The following VPS37A variants were observed in gnomAD, a reference collection of about 807,000 sequenced individuals.
VPS37A encodes the protein VPS37A subunit of ESCRT-I.
In VPS37A, 30 loss-of-function variants were observed where a neutral mutation model predicts 49.8. The observed-to-expected ratio is 0.60, with a 90% CI of 0.45 to 0.82. VPS37A has a LOEUF of 0.82. Ranked by LOEUF, VPS37A falls within the 40% of genes least tolerant of loss-of-function variation. The pLI is 0.00. For synonymous variants in VPS37A, 195 were observed against 160.6 expected (o/e 1.21, Z -1.62); for missense variants, 593 against 464.4 (o/e 1.28, Z -2.55).
chr8:17,253,211 A>G (rs935127849), intron 1 of VPS37A, among the ~76,000 whole-genome samples: 1 of 152,034 alleles, frequency 6.6e-6, no homozygotes, highest in African/African-American at 2.4e-5. Flanking sequence ...CTTCCAAACC[A>G]TTTCTGCTGT....
downstream of VPS37A, chr8:17,298,054 A>ATTGT (rs1207789639): frequency 6.6e-6 from 1 of 151,976 alleles, no homozygotes; most frequent in Non-Finnish European, 1.5e-5. Flanking sequence ...AAAAATGTTT[A>ATTGT]TTGTTTTTAT....
intron 2 of VPS37A, among the ~76,000 whole-genome samples, chr8:17,267,908 A>G (rs1172797721): frequency 6.6e-6 from 1 of 152,180 alleles, no homozygotes; most frequent in Admixed American, 6.5e-5. Context: ...AGACTGGACT[A>G]GTATGGTTCA....
the VPS37A span, among the ~76,000 whole-genome samples, chr8:17,328,080 G>A: frequency 3.3e-5 from 5 of 152,136 alleles, no homozygotes; most frequent in African/African-American, 9.7e-5. Flanking sequence ...TAACAGTCAC[G>A]TGGAAGGTAG....
At chr8:17,268,981 A>G (rs1360646294) in intron 4 of VPS37A, 25 bp downstream of exon 4, 13 of 1,486,518 alleles carry the variant, frequency 8.7e-6, no homozygotes, top group Non-Finnish European at 1.2e-5. Flanking sequence ...AGTAAATAAA[A>G]AAGTCTGCCT....
At chr8:17,283,825 G>T (rs1242500467) in intron 9 of VPS37A, among the ~76,000 whole-genome samples, 1 of 152,126 alleles carries the variant, frequency 6.6e-6, no homozygotes, top group Admixed American at 6.5e-5. Flanking sequence ...TTGAGATTCC[G>T]TATGAATTTT....
the VPS37A span, among the ~76,000 whole-genome samples, chr8:17,312,979 A>T: frequency 2.6e-5 from 4 of 152,182 alleles, no homozygotes; most frequent in African/African-American, 9.7e-5. Context: ...CCCAAGCCCC[A>T]TCACTGAAGT....
Position 17,276,414 on chromosome 8 carries a change from T to C in VPS37A, c.660T>C (p.Phe220=), listed in dbSNP as rs368832885. The change falls in exon 6 of 12, where the codon TTT becomes TTC. Residue 220 remains phenylalanine (F), a synonymous_variant. Coordinates refer to ENST00000324849, the MANE Select transcript of VPS37A (RefSeq NM_152415.3). ...DASIPTSQNG[F]GYKMPDVPDA... ...TTCTTTAGACAAGCCAAAATGGTTT[T>C]GGGTACAAGATGCCAGATGTCCCTG... is the stretch of plus-strand genomic sequence containing the variant. The C allele has an allele frequency of 1.1e-5, 18 of 1,612,036 alleles. No individual in the cohort carries two copies. Among genetic ancestry groups the C allele is most frequent in the Non-Finnish European group, 1.3e-5 (15 of 1,179,210 alleles).
chr8:17,265,950 A>G lies in VPS37A; in HGVS notation c.169A>G (p.Thr57Ala), dbSNP rs974688784. Residue 57 changes from threonine to alanine, a missense_variant, in exon 2 of 12, where the codon ACC becomes GCC. Transcript: ENST00000324849. ...QKDVEYRLPFTINNLTININI... is the reference protein window; with the variant it reads ...QKDVEYRLPFAINNLTININI... ...AGATGTGGAATACAGATTGCCATTC[A>G]CCATAAACAACCTGACAATTAACAT... The G allele has an allele frequency of 6.2e-7, 1 of 1,613,190 alleles. No individual in the cohort carries two copies. Among genetic ancestry groups the G allele is most frequent in the Non-Finnish European group, 8.5e-7 (1 of 1,179,622 alleles).
intron 6 of VPS37A, among the ~76,000 whole-genome samples, chr8:17,276,889 CT>C (rs1420687264): frequency 6.6e-6 from 1 of 152,026 alleles, no homozygotes; most frequent in Non-Finnish European, 1.5e-5. Flanking sequence ...CAGATCCAAA[CT>C]TTTTTTCAAA....
chr8:17,275,414 G>A (rs1814427587), intron 5 of VPS37A, among the ~76,000 whole-genome samples: 3 of 152,188 alleles, frequency 2.0e-5, no homozygotes, highest in Admixed American at 2.0e-4. Context: ...GGATACATAA[G>A]GCATTCTTTG....
intron 5 of VPS37A, 50 bp from the exon 6 acceptor site, chr8:17,276,347 C>A (rs188566317): frequency 2.1e-6 from 3 of 1,415,146 alleles, no homozygotes; most frequent in Non-Finnish European, 3.0e-6. Flanking sequence ...TAATTGAGAG[C>A]AGTCAAAAAT....
chr8:17,282,950 G>A (rs1815225777), intron 9 of VPS37A, among the ~76,000 whole-genome samples: 1 of 152,040 alleles, frequency 6.6e-6, no homozygotes, highest in Non-Finnish European at 1.5e-5. Flanking sequence ...GCACATAATA[G>A]GTACTCAATA....
rs535667155 is a variant in VPS37A, at chr8:17,258,131, G to A, written c.126-7776G>A. Among the ~76,000 whole-genome samples the A allele has an allele frequency of 2.6e-5, 4 of 152,124 alleles. No homozygotes were observed. The South Asian group carries it at 6.2e-4, about 24-fold the overall frequency. On this transcript the variant is annotated intron_variant, in intron 1 of 11. Coordinates refer to ENST00000324849, the MANE Select transcript of VPS37A (RefSeq NM_152415.3). ...TTAACTTCTCTTTTCCATTTTAGATGCTGTTTATTTCTATCTCTTGCCTAA... is the reference window on the plus strand; with the variant it reads ...TTAACTTCTCTTTTCCATTTTAGATACTGTTTATTTCTATCTCTTGCCTAA...
Position 17,246,980 on chromosome 8 carries a change from C to G in VPS37A, c.-265C>G, listed in dbSNP as rs1283886260. 1.0e-5 allele frequency: 5 copies of G among 485,842 alleles called. No homozygotes were observed. The highest frequency in any genetic ancestry group is 3.8e-5 in the Admixed American group (1 of 26,600). The allele number at this position is 485,842 out of a possible 1,614,324, so 30.1% of individuals were successfully genotyped here. Reference sequence around the variant, plus strand: ...AGCGCTGGGCGGCCAGGCTCCCTGGCTGGCCGGTTTGGGCGTCTGGGCCGT... The same window carrying G: ...AGCGCTGGGCGGCCAGGCTCCCTGGGTGGCCGGTTTGGGCGTCTGGGCCGT... On this transcript the variant is annotated 5_prime_UTR_variant, in exon 1 of 12. Coordinates refer to ENST00000324849, the MANE Select transcript of VPS37A (RefSeq NM_152415.3).
chr8:17,292,716 T>C (rs1816265006), intron 11 of VPS37A, among the ~76,000 whole-genome samples: 1 of 152,180 alleles, frequency 6.6e-6, no homozygotes, highest in South Asian at 2.1e-4. Context: ...CCTCCACTTA[T>C]GAAGCTTAGT....
intron 11 of VPS37A, among the ~76,000 whole-genome samples, chr8:17,293,406 G>T (rs570872500): frequency 1.3e-5 from 2 of 152,072 alleles, no homozygotes; most frequent in South Asian, 4.2e-4. Context: ...GTTAGAACAT[G>T]CTCCTTTAGC....
chr8:17,311,884 A>C, the VPS37A span: 1 of 486,858 alleles, frequency 2.1e-6, no homozygotes, highest in Admixed American at 3.5e-5. Flanking sequence ...AAGCGCATGT[A>C]CTTACTAAAC....
chr8:17,273,596 G>T (rs941518462), intron 4 of VPS37A, among the ~76,000 whole-genome samples: 1 of 152,110 alleles, frequency 6.6e-6, no homozygotes, highest in African/African-American at 2.4e-5. Context: ...TCGATCCCCT[G>T]ACCTCATGAT....
the VPS37A span, among the ~76,000 whole-genome samples, chr8:17,310,447 G>T: frequency 6.6e-6 from 1 of 152,078 alleles, no homozygotes; most frequent in Non-Finnish European, 1.5e-5. Flanking sequence ...TCTTTGGGTT[G>T]TAAGTTTAAT....
Sources: gnomAD v4.1 joint callset for allele counts (sites outside exome capture counted in the v4.1 genomes callset) on GRCh38, gnomAD v4.1.1 for gene constraint, MANE v1.5 for transcripts, NCBI Gene and HGNC (gene_info 2026-07-23, HGNC 2026-07-21) for gene names.